PLA2G7: variants seen among roughly 807,000 people sequenced by gnomAD.
The protein encoded by PLA2G7 is platelet-activating factor acetylhydrolase.
In PLA2G7, 63 loss-of-function variants were observed where a neutral mutation model predicts 49.6. That is an observed-to-expected ratio of 1.27 (90% CI 1.04 to 1.57). The LOEUF is 1.57. Among genes scored for constraint, PLA2G7 ranks in the 40% most tolerant of loss-of-function variants. PLA2G7 has a pLI of 0.00. For synonymous variants in PLA2G7, 193 were observed against 169.9 expected (o/e 1.14, Z -1.06); for missense variants, 596 against 521.2 (o/e 1.14, Z -1.40).
intron 1 of PLA2G7, among the ~76,000 whole-genome samples, chr6:46,729,397 C>T (rs2150713294): frequency 2.6e-5 from 4 of 152,284 alleles, no homozygotes; most frequent in Admixed American, 2.6e-4. Flanking sequence ...GAAGTGCTAT[C>T]CCTCAAACTT....
chr6:46,732,386 CA>C (rs1455206876), intron 1 of PLA2G7, among the ~76,000 whole-genome samples: 2 of 151,866 alleles, frequency 1.3e-5, no homozygotes, highest in African/African-American at 4.8e-5. Context: ...CACACACACA[CA>C]CACACACACA....
At chr6:46,721,889 C>T (rs532234357) in intron 2 of PLA2G7, among the ~76,000 whole-genome samples, 1 of 152,144 alleles carries the variant, frequency 6.6e-6, no homozygotes, top group Admixed American at 6.5e-5. Flanking sequence ...ACCCATCAAG[C>T]TTGAACAATT....
At chr6:46,721,268 G>A (rs1045521999) in intron 2 of PLA2G7, among the ~76,000 whole-genome samples, 12 of 151,568 alleles carry the variant, frequency 7.9e-5, no homozygotes, top group African/African-American at 2.4e-4. Flanking sequence ...GGCTGGTCTC[G>A]AACTCCTGAC....
upstream of PLA2G7, chr6:46,735,539 A>G (rs1359403159): frequency 6.6e-6 from 1 of 152,452 alleles, no homozygotes; most frequent in Non-Finnish European, 1.5e-5. Context: ...CCCCAAGACC[A>G]TGGCCCGCAC....
intron 1 of PLA2G7, among the ~76,000 whole-genome samples, chr6:46,731,605 C>T (rs373980209): frequency 6.6e-6 from 1 of 151,846 alleles, no homozygotes; most frequent in African/African-American, 2.4e-5. Flanking sequence ...GTTCTCCGAA[C>T]AGAGAAAGAT....
chr6:46,710,380 T>C, intron 8 of PLA2G7, 165 bp downstream of exon 8: 1 of 633,590 alleles, frequency 1.6e-6, no homozygotes, highest in Admixed American at 2.6e-5. Flanking sequence ...TCTTCATTGC[T>C]GCAATACTTT....
At chr6:46,717,622 C>G (rs1433121152) in intron 2 of PLA2G7, among the ~76,000 whole-genome samples, 2 of 152,090 alleles carry the variant, frequency 1.3e-5, no homozygotes, top group Non-Finnish European at 2.9e-5. Flanking sequence ...GCACCACAAG[C>G]CAGAAACCTG....
Position 46,709,272 on chromosome 6 carries a change from T to C in PLA2G7, c.869+55A>G, listed in dbSNP as rs1417913139. 8 of 997,914 alleles carry C rather than the reference T, an allele frequency of 8.0e-6. No individual in the cohort carries two copies. In the South Asian group the frequency reaches 1.0e-4, roughly 13 times the overall value. 61.8% of individuals were successfully genotyped at this position (997,914 alleles called of 1,614,324 possible). A position where few individuals can be genotyped will look rare whatever the true frequency, so the allele number is the denominator to read the frequency against. ...TTGAATAAAAAATTATATCTCACAA[T>C]ATAATTTCTTCCAATAATTTACTAT... On this transcript the variant is annotated intron_variant, in intron 9 of 11. Transcript: ENST00000274793.
intron 1 of PLA2G7, among the ~76,000 whole-genome samples, chr6:46,727,387 A>T (rs1483363593): frequency 1.3e-5 from 2 of 152,212 alleles, no homozygotes; most frequent in African/African-American, 4.8e-5. Flanking sequence ...CTGGCAAGAG[A>T]TTAGGGCAGG....
chr6:46,704,509 C>CACACA lies in PLA2G7; in HGVS notation c.*50_*51insTGTGT. 1.1e-6 allele frequency: 1 copy of CACACA among 945,716 alleles called. No individual in the cohort carries two copies. The highest frequency in any genetic ancestry group is 1.7e-6 in the Non-Finnish European group (1 of 589,626). 58.6% of individuals were successfully genotyped at this position (945,716 alleles called of 1,614,324 possible). Reference sequence around the variant, plus strand: ...ACACACACACACACACACACACACACATAATTTTAGACAGTTTTGAAACAA... The same window carrying CACACA: ...ACACACACACACACACACACACACACACACAATAATTTTAGACAGTTTTGAAACAA... On this transcript the variant is annotated 3_prime_UTR_variant, in exon 12 of 12. Coordinates refer to ENST00000274793, the MANE Select transcript of PLA2G7 (RefSeq NM_005084.4).
chr6:46,706,015 G>A (rs557308996), intron 10 of PLA2G7, among the ~76,000 whole-genome samples: 40 of 152,204 alleles, frequency 2.6e-4, no homozygotes, highest in African/African-American at 9.2e-4. Context: ...CTGAATGTAG[G>A]CATTCCTTAG....
chr6:46,709,858 C>T (rs772402632), intron 8 of PLA2G7, among the ~76,000 whole-genome samples: 1 of 152,142 alleles, frequency 6.6e-6, no homozygotes, highest in Non-Finnish European at 1.5e-5. Flanking sequence ...CAATACAGTA[C>T]AGTGGTACAA....
Position 46,704,468 on chromosome 6 carries a change from TCTCTCTCTCTCACA to T in PLA2G7, c.*78_*91del, listed in dbSNP as rs1428220422. The T allele has an allele frequency of 0.013, 5,592 of 415,298 alleles. 6 individuals are homozygous for T. The highest frequency in any genetic ancestry group is 0.026 in the East Asian group (524 of 20,512). The allele number at this position is 415,298 out of a possible 1,614,324, so 25.7% of individuals were successfully genotyped here. On this transcript the variant is annotated 3_prime_UTR_variant, in exon 12 of 12. Transcript: ENST00000274793. Reference sequence around the variant, plus strand: ...CTCTCTCTCTCTCTCTCTCTCTCTCTCTCTCTCTCTCACACACACACACACACACACACACACAC... The same window carrying T: ...CTCTCTCTCTCTCTCTCTCTCTCTCTCACACACACACACACACACACACAC...
chr6:46,720,598 AACCATCTGTCAGG>A (rs1459591083), intron 2 of PLA2G7, among the ~76,000 whole-genome samples: 1 of 152,166 alleles, frequency 6.6e-6, no homozygotes, highest in Admixed American at 6.5e-5. Flanking sequence ...CCCATTCTCT[AACCATCTGTCAGG>A]AGTCATCATT....
chr6:46,716,732 A>G (rs1405436301), intron 3 of PLA2G7, among the ~76,000 whole-genome samples: 3 of 152,226 alleles, frequency 2.0e-5, no homozygotes, highest in Non-Finnish European at 4.4e-5. Flanking sequence ...TGAAAGGAAA[A>G]TACAAGCAGC....
chr6:46,729,871 T>C (rs779372377), intron 1 of PLA2G7, among the ~76,000 whole-genome samples: 16 of 152,342 alleles, frequency 1.1e-4, no homozygotes, highest in Non-Finnish European at 1.8e-4. Context: ...TGAAAACCAT[T>C]GCTCTCAAGC....
chr6:46,730,865 G>T (rs776917442), intron 1 of PLA2G7, among the ~76,000 whole-genome samples: 30 of 152,148 alleles, frequency 2.0e-4, no homozygotes, highest in Admixed American at 6.5e-4. Flanking sequence ...TATGGTGGTT[G>T]ATATGGCAAG....
At chr6:46,721,476 AC>A (rs1765397781) in intron 2 of PLA2G7, among the ~76,000 whole-genome samples, 1 of 152,084 alleles carries the variant, frequency 6.6e-6, no homozygotes, top group South Asian at 2.1e-4. Context: ...ATTTTTAAAG[AC>A]AAAGGGATTT....
chr6:46,734,552 G>GAGTTTTCTTATCTGTAGATCTCC (rs1765854138), intron 1 of PLA2G7, among the ~76,000 whole-genome samples: 1 of 151,144 alleles, frequency 6.6e-6, no homozygotes, highest in African/African-American at 2.4e-5. Context: ...GGCGGGCGCG[G>GAGTTTTCTTATCTGTAGATCTCC]TGGCTCATGC....
Sources: gnomAD v4.1 joint callset for allele counts (sites outside exome capture counted in the v4.1 genomes callset) on GRCh38, gnomAD v4.1.1 for gene constraint, MANE v1.5 for transcripts, NCBI Gene and HGNC (gene_info 2026-07-23, HGNC 2026-07-21) for gene names.